Variants in OTUD7A observed in about 807,000 individuals in gnomAD.
OTUD7A encodes OTU deubiquitinase 7A.
A neutral mutation model predicts 65.7 loss-of-function variants in OTUD7A; 12 were observed. That is an observed-to-expected ratio of 0.18 (90% CI 0.12 to 0.30). The LOEUF is 0.30. OTUD7A is among the 10% of genes least tolerant of loss of function. The pLI, the probability that OTUD7A is intolerant of heterozygous loss-of-function variation, is 1.00. For synonymous variants in OTUD7A, 641 were observed against 586.3 expected, an observed-to-expected ratio of 1.09 and a Z score of -1.35; for missense variants, 1,148 against 1,304.8, an observed-to-expected ratio of 0.88 and a Z score of 1.85.
chr15:31,649,589 T>C (rs943253024), intron 3 of OTUD7A: 9 of 187,570 alleles, frequency 4.8e-5, no homozygotes, highest in African/African-American at 2.1e-4. Flanking sequence ...ATTTCATTCT[T>C]TGAAACACTG....
At chr15:31,803,348 C>T (rs1334733120) in intron 1 of OTUD7A, among the ~76,000 whole-genome samples, 1 of 152,178 alleles carries the variant, frequency 6.6e-6, no homozygotes, top group African/African-American at 2.4e-5. Context: ...TCTTTCCCTT[C>T]ATTTCTTACC....
At chr15:31,826,350 C>A (rs1369041169) in intron 1 of OTUD7A, among the ~76,000 whole-genome samples, 1 of 152,244 alleles carries the variant, frequency 6.6e-6, no homozygotes, top group Non-Finnish European at 1.5e-5. Context: ...ATTGCCAAAG[C>A]TTGGGGCTTG....
chr15:31,533,061 A>T (rs1198327491), intron 5 of OTUD7A, among the ~76,000 whole-genome samples: 1 of 152,066 alleles, frequency 6.6e-6, no homozygotes, highest in African/African-American at 2.4e-5. Flanking sequence ...ACAGAAAAAA[A>T]ACCCATAGAA....
intron 8 of OTUD7A, among the ~76,000 whole-genome samples, chr15:31,509,193 T>A (rs999608779): frequency 2.0e-5 from 3 of 152,156 alleles, no homozygotes; most frequent in African/African-American, 7.2e-5. Flanking sequence ...TTTATTTTAA[T>A]GTTTAGTTTA....
At chr15:31,554,762 C>T (rs1170645931) in intron 5 of OTUD7A, among the ~76,000 whole-genome samples, 1 of 152,198 alleles carries the variant, frequency 6.6e-6, no homozygotes, top group Non-Finnish European at 1.5e-5. Context: ...CCAGAGACCC[C>T]GGTCTCCGAG....
intron 1 of OTUD7A, among the ~76,000 whole-genome samples, chr15:31,728,774 T>C (rs560727264): frequency 6.7e-4 from 102 of 152,388 alleles, no homozygotes; most frequent in African/African-American, 2.4e-3. Flanking sequence ...TGCTTCACAT[T>C]CATTGCAACT....
chr15:31,505,859 C>T (rs2041554194), intron 8 of OTUD7A, among the ~76,000 whole-genome samples: 2 of 151,660 alleles, frequency 1.3e-5, no homozygotes, highest in Non-Finnish European at 2.9e-5. Flanking sequence ...ACGCCATTCT[C>T]CTGCCTCAGC....
intron 1 of OTUD7A, among the ~76,000 whole-genome samples, chr15:31,708,334 C>A (rs1331661646): frequency 6.6e-6 from 1 of 151,608 alleles, no homozygotes; most frequent in African/African-American, 2.4e-5. Context: ...ATTGCACATG[C>A]CCTTTGCATC....
chr15:31,612,618 C>T (rs1480284965), intron 3 of OTUD7A, among the ~76,000 whole-genome samples: 3 of 152,096 alleles, frequency 2.0e-5, no homozygotes, highest in Non-Finnish European at 4.4e-5. Flanking sequence ...AAGAAAACTA[C>T]AAAACCCTGG....
rs924615807 is a variant in OTUD7A, at chr15:31,479,796, C to G, written c.*3498G>C. 3 of 152,156 alleles carry G rather than the reference C, an allele frequency of 2.0e-5. No individual in the cohort carries two copies. The highest frequency in any genetic ancestry group is 4.8e-5 in the African/African-American group (2 of 41,486). 9.4% of individuals were successfully genotyped at this position (152,156 alleles called of 1,614,324 possible). A position where few individuals can be genotyped will look rare whatever the true frequency, so the allele number is the denominator to read the frequency against. On this transcript the variant is annotated 3_prime_UTR_variant, in exon 13 of 13. Transcript: ENST00000307050. ...TATCTTCAGCACCCCCAATTCTTGA[C>G]AGTAAGCTACGAGAAGTAGTAAATT...
rs1361653799 is a variant in OTUD7A, at chr15:31,483,410, G to A, written c.2686C>T (p.Arg896Cys). Residue 896 changes from arginine to cysteine, a missense_variant, in exon 13 of 13, where the codon CGC becomes TGC. Around this residue, in one of 6 missense-constraint regions of OTUD7A, gnomAD observed 842 missense variants for 769.5 expected, o/e 1.09. Coordinates refer to ENST00000307050, the MANE Select transcript of OTUD7A (RefSeq NM_001382637.1). The stretch of plus-strand genomic sequence containing the variant: ...AACGCACAGTTCTCGCGCTGGCAGC[G>A]CCGCTGCACCGGCCCCGGGCCGCCA... Reference protein sequence around the residue: ...GRGGPGPVQRRCQRENCAFYG... With the variant: ...GRGGPGPVQRCCQRENCAFYG... 7.4e-7 allele frequency: 1 copy of A among 1,351,022 alleles called. No individual in the cohort carries two copies. The highest frequency in any genetic ancestry group is 9.5e-7 in the Non-Finnish European group (1 of 1,050,616). The allele number at this position is 1,351,022 out of a possible 1,614,324, so 83.7% of individuals were successfully genotyped here.
chr15:31,607,171 T>C (rs1053854194), intron 3 of OTUD7A, among the ~76,000 whole-genome samples: 3 of 152,158 alleles, frequency 2.0e-5, no homozygotes, highest in African/African-American at 7.2e-5. Context: ...CTTTCCCCAT[T>C]GGGAATATTG....
intron 1 of OTUD7A, among the ~76,000 whole-genome samples, chr15:31,775,922 T>C (rs17684445): frequency 0.12 from 18,043 of 152,256 alleles, 1,447 homozygotes; most frequent in East Asian, 0.43. Context: ...CAAAGCTTAA[T>C]TTCAGTCCAG....
intron 3 of OTUD7A, among the ~76,000 whole-genome samples, chr15:31,598,609 G>GT (rs539157832): frequency 1.3e-4 from 19 of 151,734 alleles, no homozygotes; most frequent in East Asian, 5.8e-4. Flanking sequence ...GTTGCAGGAG[G>GT]TTTTTTTTTC....
chr15:31,722,010 G>A (rs1182037221), intron 1 of OTUD7A, among the ~76,000 whole-genome samples: 4 of 152,224 alleles, frequency 2.6e-5, no homozygotes, highest in Admixed American at 6.5e-5. Flanking sequence ...GAGAAGAGGC[G>A]GGGTCTGCTT....
At chr15:31,801,956 T>C (rs1249596689) in intron 1 of OTUD7A, among the ~76,000 whole-genome samples, 4 of 152,146 alleles carry the variant, frequency 2.6e-5, no homozygotes, top group Non-Finnish European at 5.9e-5. Context: ...GTGACACTAC[T>C]TTAGTATCCT....
chr15:31,524,214 C>G (rs962183773), intron 8 of OTUD7A, among the ~76,000 whole-genome samples: 4 of 152,042 alleles, frequency 2.6e-5, no homozygotes, highest in Non-Finnish European at 5.9e-5. Flanking sequence ...TCCTGCATCA[C>G]TGGCACAGGA....
chr15:31,754,836 A>G (rs1393374867), intron 1 of OTUD7A, among the ~76,000 whole-genome samples: 1 of 152,138 alleles, frequency 6.6e-6, no homozygotes, highest in Admixed American at 6.6e-5. Flanking sequence ...AATCATTTTG[A>G]CATTGTGAAC....
chr15:31,621,688 C>T (rs997116027), intron 3 of OTUD7A, among the ~76,000 whole-genome samples: 9 of 152,032 alleles, frequency 5.9e-5, no homozygotes, highest in Non-Finnish European at 1.3e-4. Context: ...TTCCTGAATA[C>T]AGCACACTGA....
Sources: gnomAD v4.1 joint callset for allele counts (sites outside exome capture counted in the v4.1 genomes callset) on GRCh38, gnomAD v4.1.1 for gene constraint, gnomAD v4.1.1 regional missense constraint, MANE v1.5 for transcripts, NCBI Gene and HGNC (gene_info 2026-07-23, HGNC 2026-07-21) for gene names.